TMEM108: variants seen among roughly 807,000 people sequenced by gnomAD.
TMEM108 encodes the protein transmembrane protein 108.
A neutral mutation model predicts 35.1 loss-of-function variants in TMEM108; 12 were observed. The ratio of observed to expected loss-of-function variants is 0.34; its 90% CI spans 0.22 to 0.55. TMEM108 has a LOEUF of 0.55. TMEM108 is among the 20% of genes least tolerant of loss of function. TMEM108 has a pLI of 0.89. For synonymous variants in TMEM108, 287 were observed against 308.6 expected, an observed-to-expected ratio of 0.93 and a Z score of 0.73; for missense variants, 680 against 753.3, an observed-to-expected ratio of 0.90 and a Z score of 1.14.
intron 2 of TMEM108, among the ~76,000 whole-genome samples, chr3:133,199,238 TCCTTTA>T (rs1945624253): frequency 6.6e-6 from 1 of 152,244 alleles, no homozygotes; most frequent in African/African-American, 2.4e-5. Flanking sequence ...TCGAACTTCC[TCCTTTA>T]GCTCGGAGAA....
intron 2 of TMEM108, among the ~76,000 whole-genome samples, chr3:133,106,335 G>T (rs1944153231): frequency 6.6e-6 from 1 of 151,970 alleles, no homozygotes; most frequent in African/African-American, 2.4e-5. Context: ...TTACAGATGT[G>T]GGAGCTAAGC....
At chr3:133,214,634 A>G (rs1370237733) in intron 2 of TMEM108, among the ~76,000 whole-genome samples, 1 of 152,104 alleles carries the variant, frequency 6.6e-6, no homozygotes, top group Non-Finnish European at 1.5e-5. Flanking sequence ...AACTACAGTC[A>G]ATTCTTGTTA....
chr3:133,319,221 A>G (rs545217240), intron 3 of TMEM108, among the ~76,000 whole-genome samples: 2 of 152,278 alleles, frequency 1.3e-5, no homozygotes, highest in East Asian at 3.9e-4. Context: ...GTCCTGCCTA[A>G]CACTGCCCCC....
At chr3:133,356,526 G>C (rs1355756590) in intron 3 of TMEM108, among the ~76,000 whole-genome samples, 1 of 152,036 alleles carries the variant, frequency 6.6e-6, no homozygotes, top group Non-Finnish European at 1.5e-5. Context: ...GCAATACTAA[G>C]CAAAAAGAAC....
At position 133,045,601 on chromosome 3, in the gene TMEM108, C is replaced by T. The variant is rs146528596; in HGVS notation, c.-165-301C>T. 1.8e-3 allele frequency among the ~76,000 whole-genome samples: 271 copies of T among 152,278 alleles called. 1 individual carries two copies. The highest frequency in any genetic ancestry group is 5.9e-3 in the African/African-American group (247 of 41,552). On this transcript the variant is annotated intron_variant, in intron 1 of 5. Transcript: ENST00000321871. ...GAATGCTCATGCAAGCTTCTTCATACTGTTTTCCATTCTTAGCTGACTGGA... is the reference window on the plus strand; with the variant it reads ...GAATGCTCATGCAAGCTTCTTCATATTGTTTTCCATTCTTAGCTGACTGGA...
intron 2 of TMEM108, among the ~76,000 whole-genome samples, chr3:133,125,554 G>T (rs9870361): frequency 0.22 from 32,859 of 152,108 alleles, 4,340 homozygotes; most frequent in Non-Finnish European, 0.3. Context: ...ACAATTTGGG[G>T]GGTAGGTGGG....
chr3:133,385,263 T>C (rs151012963), intron 4 of TMEM108, among the ~76,000 whole-genome samples: 1 of 152,300 alleles, frequency 6.6e-6, no homozygotes, highest in Non-Finnish European at 1.5e-5. Context: ...CAAACAGGGA[T>C]GGGAGAGCCT....
At chr3:133,154,479 A>T (rs1002462164) in intron 2 of TMEM108, among the ~76,000 whole-genome samples, 5 of 152,180 alleles carry the variant, frequency 3.3e-5, no homozygotes, top group Non-Finnish European at 7.3e-5. Flanking sequence ...CAACAACGAT[A>T]GACTGGATTA....
chr3:133,243,553 T>C (rs548673198), intron 3 of TMEM108, among the ~76,000 whole-genome samples: 115 of 149,562 alleles, frequency 7.7e-4, no homozygotes, highest in South Asian at 8.7e-4. Flanking sequence ...CGGAGTCTCG[T>C]TCTGTCACCC....
At chr3:133,139,616 G>A (rs1248429857) in intron 2 of TMEM108, among the ~76,000 whole-genome samples, 5 of 152,140 alleles carry the variant, frequency 3.3e-5, no homozygotes, top group Non-Finnish European at 5.9e-5. Flanking sequence ...TCCTGTGTAC[G>A]CACAGCTTTA....
At chr3:133,394,793 TC>T (rs1458833753) in intron 5 of TMEM108, among the ~76,000 whole-genome samples, 1 of 151,796 alleles carries the variant, frequency 6.6e-6, no homozygotes, top group Non-Finnish European at 1.5e-5. Context: ...CAATGGCATT[TC>T]TTCCTTACCT....
At chr3:133,163,331 AGAGTGGAAGG>A (rs1944988384) in intron 2 of TMEM108, among the ~76,000 whole-genome samples, 1 of 152,226 alleles carries the variant, frequency 6.6e-6, no homozygotes, top group Non-Finnish European at 1.5e-5. Context: ...GAGGCAGGAC[AGAGTGGAAGG>A]CAACAGCCAA....
intron 2 of TMEM108, among the ~76,000 whole-genome samples, chr3:133,130,581 C>T (rs899881819): frequency 1.3e-5 from 2 of 152,190 alleles, no homozygotes; most frequent in African/African-American, 4.8e-5. Context: ...AGGAACCTTT[C>T]ATGATCTACC....
At position 133,144,489 on chromosome 3, in the gene TMEM108, G is replaced by A. The variant is rs564515055; in HGVS notation, c.-46-84777G>A. On this transcript the variant is annotated intron_variant, in intron 2 of 5. Transcript: ENST00000321871. ...TTATAATCCTTTGGGTATATATCCA[G>A]TAATGGGATTACTGGGTCAAGTGGT... 2.5e-4 allele frequency among the ~76,000 whole-genome samples: 38 copies of A among 152,308 alleles called. 1 individual carries two copies. The highest frequency in any genetic ancestry group is 9.1e-4 in the African/African-American group (38 of 41,576).
intron 2 of TMEM108, among the ~76,000 whole-genome samples, chr3:133,222,231 A>G (rs1946003125): frequency 6.6e-6 from 1 of 151,950 alleles, no homozygotes; most frequent in Non-Finnish European, 1.5e-5. Context: ...TACTTTGAAT[A>G]TATCATCCCA....
intron 3 of TMEM108, among the ~76,000 whole-genome samples, chr3:133,296,211 A>G (rs1407762634): frequency 6.6e-6 from 1 of 152,188 alleles, no homozygotes; most frequent in Non-Finnish European, 1.5e-5. Flanking sequence ...CCTATATATC[A>G]AAGGCAGGCA....
chr3:133,101,821 C>T (rs986468836), intron 2 of TMEM108, among the ~76,000 whole-genome samples: 1 of 152,192 alleles, frequency 6.6e-6, no homozygotes, highest in Admixed American at 6.5e-5. Flanking sequence ...TGTCATTTTT[C>T]TTGTGTAACC....
chr3:133,388,565 A>C, intron 4 of TMEM108: 1 of 985,462 alleles, frequency 1.0e-6, no homozygotes, highest in Non-Finnish European at 1.2e-6. Flanking sequence ...CGTTAGCCCT[A>C]ACACTCAGAA....
At chr3:133,388,040 G>A in intron 4 of TMEM108, 1 of 985,438 alleles carries the variant, frequency 1.0e-6, no homozygotes, top group Non-Finnish European at 1.2e-6. Context: ...GGGCATGATG[G>A]GATGTGCCCC....
Sources: allele counts gnomAD v4.1 joint callset (sites outside exome capture counted in the v4.1 genomes callset), GRCh38; gene constraint gnomAD v4.1.1; transcripts MANE v1.5; gene names NCBI Gene and HGNC (gene_info 2026-07-23, HGNC 2026-07-21).